Variants in SPATS2L observed in about 807,000 individuals in gnomAD.
The protein encoded by SPATS2L is SPATS2-like protein.
Under a neutral mutation model 59.6 loss-of-function variants are expected in SPATS2L, and 30 were observed. The observed-to-expected ratio is 0.50, with a 90% CI of 0.38 to 0.68. The LOEUF is 0.68. Among genes scored for constraint, SPATS2L ranks in the 30% least tolerant of loss-of-function variants. SPATS2L has a pLI of 0.00. For missense variants in SPATS2L, 615 were observed against 700.0 expected, an observed-to-expected ratio of 0.88 and a Z score of 1.37; for synonymous variants, 252 against 263.5, an observed-to-expected ratio of 0.96 and a Z score of 0.42.
intron 8 of SPATS2L, among the ~76,000 whole-genome samples, chr2:200,443,504 A>G (rs1022737358): frequency 6.6e-6 from 1 of 152,176 alleles, no homozygotes; most frequent in South Asian, 2.1e-4. Context: ...AAAGAATGCC[A>G]GTTCTGAGAG....
rs566189708 is a variant in SPATS2L at position 200,395,847 on chromosome 2, C to T, written c.39+6564C>T. Among the ~76,000 whole-genome samples, 5 of 150,626 alleles carry T rather than the reference C, an allele frequency of 3.3e-5. No individual in the cohort carries two copies. In the South Asian group the frequency reaches 1.1e-3, roughly 32 times the overall value. On this transcript the variant is annotated intron_variant, in intron 3 of 12. Coordinates refer to ENST00000409140, the MANE Select transcript of SPATS2L (RefSeq NM_001100423.2). ...CCAACATGGCGAAACCCCGTCTCTACTAAAAATACAAAAATTAGCTGGGAG... is the reference window on the plus strand; with the variant it reads ...CCAACATGGCGAAACCCCGTCTCTATTAAAAATACAAAAATTAGCTGGGAG...
chr2:200,479,345 T>G lies in SPATS2L; in HGVS notation c.*1314T>G. On this transcript the variant is annotated 3_prime_UTR_variant, in exon 13 of 13. Transcript: ENST00000409140. ...AGAGGAGAGAAGTTATCCTAGTAGC[T>G]TCTACACAGAGCAAGTGTCTTTCTC... 1 of 390,724 alleles carries G rather than the reference T, an allele frequency of 2.6e-6. No individual in the cohort carries two copies. Among genetic ancestry groups the G allele is most frequent in the East Asian group, 3.6e-5 (1 of 27,616 alleles). The allele number at this position is 390,724 out of a possible 1,614,324, so 24.2% of individuals were successfully genotyped here. A position where few individuals can be genotyped will look rare whatever the true frequency, so the allele number is the denominator to read the frequency against.
intron 2 of SPATS2L, among the ~76,000 whole-genome samples, chr2:200,340,022 A>G (rs1231282729): frequency 2.0e-5 from 3 of 152,144 alleles, no homozygotes; most frequent in Non-Finnish European, 4.4e-5. Flanking sequence ...TTGTGCCTCC[A>G]TGTGATCCTT....
intron 2 of SPATS2L, among the ~76,000 whole-genome samples, chr2:200,380,173 C>T (rs958692422): frequency 2.6e-5 from 4 of 152,186 alleles, no homozygotes; most frequent in African/African-American, 7.2e-5. Context: ...GCCTCAGATC[C>T]GCTGCATTTA....
intron 1 of SPATS2L, among the ~76,000 whole-genome samples, chr2:200,321,439 T>G (rs2105772953): frequency 6.6e-6 from 1 of 152,358 alleles, no homozygotes; most frequent in East Asian, 1.9e-4. Flanking sequence ...AGCATGGTTC[T>G]TGGACCATAG....
intron 8 of SPATS2L, among the ~76,000 whole-genome samples, chr2:200,447,785 A>G (rs1471993543): frequency 2.0e-5 from 3 of 152,240 alleles, no homozygotes; most frequent in South Asian, 2.1e-4. Flanking sequence ...ACCAGTAGGA[A>G]AGTTGCCTTT....
intron 8 of SPATS2L, among the ~76,000 whole-genome samples, chr2:200,455,780 T>C (rs1249175256): frequency 6.6e-6 from 1 of 152,034 alleles, no homozygotes; most frequent in Non-Finnish European, 1.5e-5. Flanking sequence ...GCCTGCAGAG[T>C]TGTCAAGCCA....
At chr2:200,309,350 T>C (rs2079124946) in intron 1 of SPATS2L, among the ~76,000 whole-genome samples, 2 of 152,226 alleles carry the variant, frequency 1.3e-5, no homozygotes, top group Non-Finnish European at 2.9e-5. Context: ...GTGGTTGCTC[T>C]TCGTAAGATC....
chr2:200,421,412 C>A (rs1313855126), intron 6 of SPATS2L, among the ~76,000 whole-genome samples: 13 of 152,172 alleles, frequency 8.5e-5, no homozygotes, highest in Non-Finnish European at 1.5e-4. Context: ...AAGACACATC[C>A]ATGCCTAAGA....
At chr2:200,313,068 G>T (rs930765054) in intron 1 of SPATS2L, among the ~76,000 whole-genome samples, 1 of 152,252 alleles carries the variant, frequency 6.6e-6, no homozygotes, top group African/African-American at 2.4e-5. Flanking sequence ...ATAAGTGGCA[G>T]ATGAATCTGG....
At chr2:200,471,120 C>T (rs774557044) in intron 11 of SPATS2L, among the ~76,000 whole-genome samples, 10 of 152,126 alleles carry the variant, frequency 6.6e-5, no homozygotes, top group East Asian at 3.9e-4. Context: ...CAGTGGAGAT[C>T]GCACCACTGC....
chr2:200,425,908 A>G (rs2083544500), intron 6 of SPATS2L, among the ~76,000 whole-genome samples: 1 of 152,112 alleles, frequency 6.6e-6, no homozygotes, highest in Admixed American at 6.6e-5. Context: ...CAGCAATTCC[A>G]TAGAAGGTCC....
intron 3 of SPATS2L, chr2:200,389,880 C>T (rs1372718308): frequency 6.6e-6 from 1 of 152,416 alleles, no homozygotes; most frequent in Non-Finnish European, 1.5e-5. Flanking sequence ...GCGTCCTCCA[C>T]TGAGGGTCAG....
chr2:200,413,466 T>C (rs2082955539), intron 4 of SPATS2L, among the ~76,000 whole-genome samples: 1 of 152,204 alleles, frequency 6.6e-6, no homozygotes, highest in African/African-American at 2.4e-5. Context: ...TCTAATCAAA[T>C]TAAACAAGTT....
intron 8 of SPATS2L, among the ~76,000 whole-genome samples, chr2:200,443,256 G>A (rs1175831831): frequency 1.3e-5 from 2 of 152,172 alleles, no homozygotes; most frequent in East Asian, 1.9e-4. Context: ...GAATTTTAGG[G>A]ATTATGGTGC....
intron 2 of SPATS2L, among the ~76,000 whole-genome samples, chr2:200,386,173 T>C (rs151004205): frequency 5.3e-5 from 8 of 150,968 alleles, no homozygotes; most frequent in African/African-American, 2.0e-4. Context: ...ATGGAGCCTG[T>C]AGAGGCAGCC....
intron 9 of SPATS2L, among the ~76,000 whole-genome samples, chr2:200,466,847 C>A (rs1364245865): frequency 6.6e-6 from 1 of 152,166 alleles, no homozygotes. Flanking sequence ...TGTTAAAGTT[C>A]AAGAGGGCTG....
chr2:200,477,911 G>T lies in SPATS2L; in HGVS notation c.1557G>T (p.Glu519Asp). The T allele has an allele frequency of 6.2e-7, 1 of 1,612,318 alleles. No homozygotes were observed. Residue 519 changes from glutamate to aspartate, a missense_variant, in exon 13 of 13, where the codon GAG becomes GAT. By Grantham distance (45) the Glu-to-Asp change is conservative (BLOSUM62 2). Around this residue, in one of 3 missense-constraint regions of SPATS2L, gnomAD observed 284 missense variants for 280.1 expected, o/e 1.01. Coordinates refer to ENST00000409140, the MANE Select transcript of SPATS2L (RefSeq NM_001100423.2). ...GGCAGCACGCTGCAGACACCTCGGA[G>T]GCCAGGCCCTTCCGGGGTAGTGTCG... ...RRRQHAADTS[E>D]ARPFRGSVGR...
At chr2:200,458,448 T>G (rs566731483) in intron 8 of SPATS2L, among the ~76,000 whole-genome samples, 1 of 152,234 alleles carries the variant, frequency 6.6e-6, no homozygotes, top group Non-Finnish European at 1.5e-5. Flanking sequence ...TATCAAGTGT[T>G]CCTCCTAAGA....
Sources: allele counts gnomAD v4.1 joint callset (sites outside exome capture counted in the v4.1 genomes callset), GRCh38; gene constraint gnomAD v4.1.1; regional missense constraint gnomAD v4.1.1; transcripts MANE v1.5; gene names NCBI Gene and HGNC (gene_info 2026-07-23, HGNC 2026-07-21).